Variants in BYSL observed in about 807,000 individuals in gnomAD.
BYSL encodes bystin.
A neutral mutation model predicts 45.4 loss-of-function variants in BYSL; 21 were observed. That is an observed-to-expected ratio of 0.46 (90% CI 0.33 to 0.67). The LOEUF is 0.67. Ranked by LOEUF, BYSL falls within the 30% of genes least tolerant of loss-of-function variation. The pLI is 0.02. For synonymous variants in BYSL, 215 were observed against 231.3 expected (o/e 0.93, Z 0.64); for missense variants, 522 against 578.5 (o/e 0.90, Z 1.00).
the BYSL span, chr6:41,909,489 T>C: frequency 6.2e-7 from 1 of 1,614,156 alleles, no homozygotes. Context: ...GTACTCTGAG[T>C]TGTGCATCAC....
Position 41,932,240 on chromosome 6 carries a change from A to ACC in BYSL, c.969-121_969-120insCC. The stretch of plus-strand genomic sequence containing the variant: ...TGTGTAGGTGAGAAGGTCCCTGGGG[A>ACC]ATACCATAGTGTAAGGGCCAGCAGA... On this transcript the variant is annotated intron_variant, in intron 6 of 6. Coordinates refer to ENST00000230340, the MANE Select transcript of BYSL (RefSeq NM_004053.4). This position sits in a 1 kb window ranked among gnomAD's most constrained non-coding sequence, Gnocchi z 4.7. 1 of 928,938 alleles carries ACC rather than the reference A, an allele frequency of 1.1e-6. No homozygotes were observed. The highest frequency in any genetic ancestry group is 2.1e-5 in the Admixed American group (1 of 47,384). The allele number at this position is 928,938 out of a possible 1,614,324, so 57.5% of individuals were successfully genotyped here. A position where few individuals can be genotyped will look rare whatever the true frequency, so the allele number is the denominator to read the frequency against.
chr6:41,931,890 A>T, intron 6 of BYSL, 60 bp downstream of exon 6: 1 of 1,509,400 alleles, frequency 6.6e-7, no homozygotes, highest in Non-Finnish European at 9.2e-7. Flanking sequence ...TGGAATTGCC[A>T]GGACTTGGGA....
intron 2 of BYSL, among the ~76,000 whole-genome samples, chr6:41,928,808 C>A (rs1411709201): frequency 6.6e-6 from 1 of 152,180 alleles, no homozygotes; most frequent in Non-Finnish European, 1.5e-5. Flanking sequence ...GAGTTATTAA[C>A]CTGAGGCCCA....
chr6:41,927,776 A>G (rs1775584242), intron 2 of BYSL: 2 of 458,378 alleles, frequency 4.4e-6, no homozygotes, highest in Non-Finnish European at 3.9e-6. Flanking sequence ...TGCCAGGGAA[A>G]CAGTTCCAGG....
upstream of BYSL, chr6:41,917,591 C>T: frequency 2.8e-6 from 1 of 355,848 alleles, no homozygotes; most frequent in South Asian, 2.0e-5. Context: ...AACTGGAGCA[C>T]AGTTCTCAGG....
chr6:41,924,010 A>T (rs1213155483), intron 1 of BYSL, among the ~76,000 whole-genome samples: 1 of 149,112 alleles, frequency 6.7e-6, no homozygotes, highest in Non-Finnish European at 1.5e-5. Context: ...GCAGCACTCT[A>T]CTCCATCTCC....
chr6:41,916,806 C>T (rs140526856), upstream of BYSL: 1,820 of 1,614,014 alleles, frequency 1.1e-3, no homozygotes, highest in Non-Finnish European at 1.4e-3. Context: ...AGGGTAGAGG[C>T]GGCCGTATGG....
In BYSL at chr6:41,932,279, A is replaced by C; in HGVS notation, c.969-82A>C. The C allele has an allele frequency of 2.2e-6, 3 of 1,357,752 alleles. No individual in the cohort carries two copies. The South Asian group carries it at 3.9e-5, about 18-fold the overall frequency. The allele number at this position is 1,357,752 out of a possible 1,614,324, so 84.1% of individuals were successfully genotyped here. A position where few individuals can be genotyped will look rare whatever the true frequency, so the allele number is the denominator to read the frequency against. On this transcript the variant is annotated intron_variant, in intron 6 of 6. Transcript: ENST00000230340. This position sits in a 1 kb window ranked among gnomAD's most constrained non-coding sequence, Gnocchi z 4.7. ...AGGGCCAGCAGAGGGGAAGAAAAAA[A>C]GGGGAAAGCATAGAGGGAGAAGTAG...
chr6:41,917,192 G>A (rs147142072), upstream of BYSL, among the ~76,000 whole-genome samples: 109 of 152,176 alleles, frequency 7.2e-4, 2 homozygotes, highest in East Asian at 0.016. Context: ...ACGAAGTCAG[G>A]AGTTCAAGAC....
chr6:41,931,311 G>A, intron 4 of BYSL, 85 bp from the exon 5 acceptor site: 1 of 1,498,568 alleles, frequency 6.7e-7, no homozygotes, highest in Non-Finnish European at 9.2e-7. Flanking sequence ...AAAACCTCTT[G>A]TATGCACTAT....
chr6:41,919,236 G>GC (rs1775397404), upstream of BYSL, among the ~76,000 whole-genome samples: 1 of 151,174 alleles, frequency 6.6e-6, no homozygotes, highest in African/African-American at 2.4e-5. Context: ...AAGACTCAAA[G>GC]CCCAGCAACC....
chr6:41,927,651 G>A (rs1361398148), intron 2 of BYSL, 115 bp downstream of exon 2: 7 of 1,318,674 alleles, frequency 5.3e-6, no homozygotes, highest in Admixed American at 4.7e-5. Context: ...GTTGCTAGCT[G>A]TAGGGGACCA....
At chr6:41,911,187 G>A in the BYSL span, among the ~76,000 whole-genome samples, 9 of 147,808 alleles carry the variant, frequency 6.1e-5, no homozygotes, top group Non-Finnish European at 1.2e-4. Context: ...GTCTCACTCT[G>A]TCGCCCAGGC....
chr6:41,919,156 G>T (rs1266803868), upstream of BYSL, among the ~76,000 whole-genome samples: 1 of 146,924 alleles, frequency 6.8e-6, no homozygotes, highest in Non-Finnish European at 1.5e-5. Flanking sequence ...AAAAAAAGAG[G>T]AAACTTAAGT....
At position 41,921,796 on chromosome 6, in the gene BYSL, G is replaced by A. The variant is rs777373850; in HGVS notation, c.234G>A (p.Lys78=). ...ELEAEHGTGD[K]PAAPRERTTR... The stretch of plus-strand genomic sequence containing the variant: ...AGGCCGAGCATGGGACTGGGGACAA[G>A]CCCGCGGCGCCGCGGGAACGCACCA... The change falls in exon 1 of 7, where the codon AAG becomes AAA. Residue 78 remains lysine, a synonymous_variant. Transcript: ENST00000230340. 3 of 1,612,262 alleles carry A rather than the reference G, an allele frequency of 1.9e-6. No homozygotes were observed. The Admixed American group carries it at 5.0e-5, about 27-fold the overall frequency.
At chr6:41,931,647 T>G in intron 5 of BYSL, 81 bp from the exon 6 acceptor site, 1 of 1,606,970 alleles carries the variant, frequency 6.2e-7, no homozygotes, top group Non-Finnish European at 8.5e-7. Flanking sequence ...TAGCTGTCCC[T>G]GGGCTGGGTG....
At chr6:41,925,232 C>T (rs1198938342) in intron 1 of BYSL, among the ~76,000 whole-genome samples, 1 of 152,172 alleles carries the variant, frequency 6.6e-6, no homozygotes, top group Non-Finnish European at 1.5e-5. Flanking sequence ...GTGTTTATCA[C>T]ACACTGCCTT....
upstream of BYSL, chr6:41,916,676 A>G (rs961159538): frequency 4.2e-5 from 57 of 1,353,192 alleles, no homozygotes; most frequent in Non-Finnish European, 5.6e-5. Context: ...ATCTCGCCAC[A>G]TGTTTAAGAA....
intron 2 of BYSL, 90 bp downstream of exon 2, chr6:41,927,626 G>A: frequency 6.6e-7 from 1 of 1,517,470 alleles, no homozygotes; most frequent in Non-Finnish European, 8.9e-7. Flanking sequence ...CCCTACCTTT[G>A]GAAAGGGCCC....
Sources: allele counts gnomAD v4.1 joint callset (sites outside exome capture counted in the v4.1 genomes callset), GRCh38; gene constraint gnomAD v4.1.1; non-coding constraint Gnocchi (gnomAD v3.1); transcripts MANE v1.5; gene names NCBI Gene and HGNC (gene_info 2026-07-23, HGNC 2026-07-21).